The following MNAT1 variants were observed in gnomAD, a reference collection of about 807,000 sequenced individuals.
MNAT1 encodes MNAT1 component of CDK activating kinase, also known as CDK-activating kinase assembly factor MAT1.
In MNAT1, 43 loss-of-function variants were observed where a neutral mutation model predicts 42.0. The observed-to-expected ratio is 1.02, with a 90% CI of 0.80 to 1.32. The LOEUF (loss-of-function observed/expected upper bound fraction) is 1.32, where lower values mean the gene tolerates loss of function less well. Among genes scored for constraint, MNAT1 ranks in the 40% most tolerant of loss-of-function variants. MNAT1 has a pLI of 0.00. For missense variants in MNAT1, 306 were observed against 350.4 expected, an observed-to-expected ratio of 0.87 and a Z score of 1.01; for synonymous variants, 118 against 120.0, an observed-to-expected ratio of 0.98 and a Z score of 0.11.
intron 6 of MNAT1, among the ~76,000 whole-genome samples, chr14:60,855,360 TA>T (rs377039884): frequency 6.6e-6 from 1 of 151,758 alleles, no homozygotes; most frequent in Non-Finnish European, 1.5e-5. Flanking sequence ...CACTGGGTTA[TA>T]AAAAAAACCT....
At chr14:60,924,688 A>G (rs997208164) in intron 7 of MNAT1, among the ~76,000 whole-genome samples, 1 of 152,196 alleles carries the variant, frequency 6.6e-6, no homozygotes, top group African/African-American at 2.4e-5. Flanking sequence ...ACTCTGAAAG[A>G]CAGCTCCACA....
At chr14:60,868,410 A>G (rs760906388) in intron 6 of MNAT1, among the ~76,000 whole-genome samples, 9 of 152,348 alleles carry the variant, frequency 5.9e-5, no homozygotes, top group Non-Finnish European at 1.2e-4. Flanking sequence ...TAAAGCTACC[A>G]GAATGAAATA....
intron 7 of MNAT1, among the ~76,000 whole-genome samples, chr14:60,907,742 A>C (rs1298117612): frequency 7.7e-6 from 1 of 130,606 alleles, no homozygotes; most frequent in Admixed American, 9.9e-5. Context: ...AGATTGTGCC[A>C]TTGCACTCCA....
intron 7 of MNAT1, among the ~76,000 whole-genome samples, chr14:60,926,255 C>T (rs916591354): frequency 3.3e-5 from 5 of 152,186 alleles, no homozygotes; most frequent in African/African-American, 1.2e-4. Flanking sequence ...GTGGGGTTTT[C>T]CCCCCACACA....
At chr14:60,773,068 G>T (rs1009138512) in intron 1 of MNAT1, among the ~76,000 whole-genome samples, 1 of 151,848 alleles carries the variant, frequency 6.6e-6, no homozygotes, top group Non-Finnish European at 1.5e-5. Flanking sequence ...CTCCTGAGTA[G>T]CTGGGATTAC....
At chr14:60,797,619 C>G (rs2032059307) in intron 2 of MNAT1, among the ~76,000 whole-genome samples, 1 of 152,218 alleles carries the variant, frequency 6.6e-6, no homozygotes, top group South Asian at 2.1e-4. Flanking sequence ...TGGTTACAAA[C>G]CTGGTGTCAA....
intron 6 of MNAT1, among the ~76,000 whole-genome samples, chr14:60,828,454 C>T (rs1241001739): frequency 1.3e-5 from 2 of 151,554 alleles, no homozygotes; most frequent in South Asian, 4.1e-4. Context: ...CTATAGACTC[C>T]TATATAGTAG....
chr14:60,843,041 C>T (rs566565934), intron 6 of MNAT1, among the ~76,000 whole-genome samples: 2 of 152,304 alleles, frequency 1.3e-5, no homozygotes, highest in South Asian at 2.1e-4. Flanking sequence ...TTTAGCAATT[C>T]TCTTGTTGGG....
At chr14:60,767,360 C>A (rs2030869691) in intron 1 of MNAT1, among the ~76,000 whole-genome samples, 1 of 152,160 alleles carries the variant, frequency 6.6e-6, no homozygotes, top group South Asian at 2.1e-4. Context: ...CTTAGTCTGG[C>A]TCAGTATTTC....
intron 6 of MNAT1, among the ~76,000 whole-genome samples, chr14:60,838,895 T>A (rs1337303137): frequency 6.6e-6 from 1 of 152,136 alleles, no homozygotes; most frequent in African/African-American, 2.4e-5. Context: ...CAGTGGGGTG[T>A]GCCCATGCTT....
At chr14:60,783,307 T>G (rs1566763868) in intron 1 of MNAT1, among the ~76,000 whole-genome samples, 1 of 152,210 alleles carries the variant, frequency 6.6e-6, no homozygotes, top group African/African-American at 2.4e-5. Context: ...GGCCTGCACT[T>G]AAACTATGAC....
chr14:60,951,286 T>TG, intron 7 of MNAT1, among the ~76,000 whole-genome samples: 1 of 145,832 alleles, frequency 6.9e-6, no homozygotes, highest in South Asian at 2.2e-4. Flanking sequence ...TTTTTTTTTT[T>TG]GCTGTTTTTG....
intron 6 of MNAT1, among the ~76,000 whole-genome samples, chr14:60,854,761 G>A (rs1218342484): frequency 6.6e-6 from 1 of 152,214 alleles, no homozygotes; most frequent in Non-Finnish European, 1.5e-5. Context: ...GTGTCTCCCA[G>A]TCAGGAGGCA....
chr14:60,950,552 C>G (rs562113873), intron 7 of MNAT1, among the ~76,000 whole-genome samples: 1 of 152,240 alleles, frequency 6.6e-6, no homozygotes, highest in Non-Finnish European at 1.5e-5. Context: ...TGAATGCAGC[C>G]CAACACAAAT....
At chr14:60,800,833 C>T (rs756074443) in intron 3 of MNAT1, among the ~76,000 whole-genome samples, 4 of 151,990 alleles carry the variant, frequency 2.6e-5, no homozygotes, top group Non-Finnish European at 5.9e-5. Context: ...TGGGAAGTAA[C>T]CTCTTGGATT....
intron 3 of MNAT1, among the ~76,000 whole-genome samples, chr14:60,801,305 A>G (rs2032194654): frequency 6.6e-6 from 1 of 152,282 alleles, no homozygotes; most frequent in East Asian, 1.9e-4. Context: ...GGCTGGATTA[A>G]GGAGGCCTTA....
At chr14:60,904,976 C>CCTTTTTTTT (rs2035162682) in intron 7 of MNAT1, among the ~76,000 whole-genome samples, 2 of 79,010 alleles carry the variant, frequency 2.5e-5, no homozygotes, top group Non-Finnish European at 4.8e-5. Context: ...TCAGCAGTTC[C>CCTTTTTTTT]TTTTTTTTTT....
intron 7 of MNAT1, among the ~76,000 whole-genome samples, chr14:60,895,975 T>C (rs1362398104): frequency 6.6e-6 from 1 of 152,150 alleles, no homozygotes; most frequent in Non-Finnish European, 1.5e-5. Context: ...TTGGGAGGCA[T>C]TGGTCTCCCA....
intron 6 of MNAT1, among the ~76,000 whole-genome samples, chr14:60,836,619 C>G (rs1489890569): frequency 2.6e-5 from 4 of 152,190 alleles, no homozygotes; most frequent in African/African-American, 9.7e-5. Flanking sequence ...AAGCTTCGTC[C>G]CAGAGGGGCA....
Sources: allele counts gnomAD v4.1 joint callset (sites outside exome capture counted in the v4.1 genomes callset), GRCh38; gene constraint gnomAD v4.1.1; transcripts MANE v1.5; gene names NCBI Gene and HGNC (gene_info 2026-07-23, HGNC 2026-07-21).